Variants in RBFOX1 observed in about 807,000 individuals in gnomAD.
RBFOX1 encodes RNA binding protein fox-1 homolog 1.
RBFOX1 carries 8 observed loss-of-function variants against 57.7 expected under a neutral mutation model. The ratio of observed to expected loss-of-function variants is 0.14; its 90% confidence interval spans 0.08 to 0.25. The LOEUF is 0.25. Ranked by LOEUF, RBFOX1 falls within the 10% of genes least tolerant of loss-of-function variation. The probability of loss-of-function intolerance (pLI) is 1.00; values close to 1 mark genes in which losing one functional copy is unlikely to be tolerated. For synonymous variants in RBFOX1, 326 were observed against 222.4 expected (o/e 1.47, Z -4.15); for missense variants, 611 against 548.5 (o/e 1.11, Z -1.14).
chr16:5,639,666 C>G lies in RBFOX1; in HGVS notation c.318+40705C>G, dbSNP rs543140178. Among the ~76,000 whole-genome samples, 6 of 152,296 alleles carry G rather than the reference C, an allele frequency of 3.9e-5. No individual in the cohort carries two copies. In the East Asian group the frequency reaches 7.7e-4, roughly 20 times the overall value. ...AGTGCTGCTGTCTCTCTCTTTCAGC[C>G]TTGCCTCACCCATGCACATGCCTAC... On this transcript the variant is annotated intron_variant, in intron 3 of 19. Transcript: ENST00000641259.
intron 3 of RBFOX1, among the ~76,000 whole-genome samples, chr16:5,840,533 A>G (rs1375507413): frequency 1.3e-5 from 2 of 152,268 alleles, no homozygotes; most frequent in African/African-American, 4.8e-5. Context: ...CAGCTCCCCC[A>G]CTGCCATCAT....
intron 4 of RBFOX1, among the ~76,000 whole-genome samples, chr16:7,478,287 C>T (rs965174131): frequency 1.3e-5 from 2 of 152,140 alleles, no homozygotes; most frequent in African/African-American, 2.4e-5. Context: ...ACAAAGAGGG[C>T]AGAGAGTCAC....
intron 4 of RBFOX1, among the ~76,000 whole-genome samples, chr16:7,424,508 C>T (rs1358626010): frequency 1.3e-5 from 2 of 152,186 alleles, no homozygotes; most frequent in African/African-American, 4.8e-5. Context: ...GATCCACCCA[C>T]CTCGGCTTCC....
chr16:7,047,683 C>G (rs1373901393), intron 3 of RBFOX1, among the ~76,000 whole-genome samples: 1 of 92,542 alleles, frequency 1.1e-5, no homozygotes. Context: ...AAATATTGTA[C>G]GTTTTGATAT....
chr16:6,337,090 C>G (rs186716299), intron 2 of RBFOX1, among the ~76,000 whole-genome samples: 2 of 152,084 alleles, frequency 1.3e-5, no homozygotes, highest in Non-Finnish European at 2.9e-5. Context: ...TTATATTACT[C>G]GACAGTTTAT....
intron 4 of RBFOX1, among the ~76,000 whole-genome samples, chr16:5,993,679 A>C (rs949432349): frequency 2.0e-5 from 3 of 152,152 alleles, no homozygotes; most frequent in African/African-American, 7.2e-5. Flanking sequence ...ATTTAGCTGC[A>C]GTGAGTTGTG....
intron 2 of RBFOX1, among the ~76,000 whole-genome samples, chr16:6,455,383 G>T (rs2534761): frequency 1.3e-5 from 2 of 151,824 alleles, no homozygotes; most frequent in Non-Finnish European, 2.9e-5. Context: ...CCTGCTCTGC[G>T]GTCGTGGGAA....
At chr16:6,151,339 G>A (rs2096796287) in intron 1 of RBFOX1, among the ~76,000 whole-genome samples, 1 of 152,106 alleles carries the variant, frequency 6.6e-6, no homozygotes, top group Non-Finnish European at 1.5e-5. Flanking sequence ...AGGCTGGAGT[G>A]CAGTGGCACG....
intron 14 of RBFOX1, among the ~76,000 whole-genome samples, chr16:7,702,482 G>A (rs141822643): frequency 1.5e-4 from 23 of 152,292 alleles, no homozygotes; most frequent in East Asian, 3.9e-4. Context: ...ATTTAGTGAC[G>A]AGTATGGGAT....
rs186480205 is a variant in RBFOX1, at chr16:6,654,790, C to G, written c.-16+140C>G. 10 of 574,016 alleles carry G rather than the reference C, an allele frequency of 1.7e-5. No homozygotes were observed. The East Asian group carries it at 3.0e-4, about 17-fold the overall frequency. The allele number at this position is 574,016 out of a possible 1,614,324, so 35.6% of individuals were successfully genotyped here. A position where few individuals can be genotyped will look rare whatever the true frequency, so the allele number is the denominator to read the frequency against. On this transcript the variant is annotated intron_variant, in intron 3 of 15. Coordinates refer to ENST00000550418, the MANE Select transcript of RBFOX1 (RefSeq NM_018723.4). ...TATGACATATTTAAAGACAATCAGACTTAAAAATGCTTGTCATTTTACTCC... is the reference window on the plus strand; with the variant it reads ...TATGACATATTTAAAGACAATCAGAGTTAAAAATGCTTGTCATTTTACTCC...
At chr16:5,325,999 A>G (rs1447381681) in intron 1 of RBFOX1, among the ~76,000 whole-genome samples, 1 of 152,208 alleles carries the variant, frequency 6.6e-6, no homozygotes, top group Non-Finnish European at 1.5e-5. Context: ...GTGTCTTTAA[A>G]CAGCTTGGCA....
At chr16:5,701,658 T>A (rs553528280) in intron 3 of RBFOX1, among the ~76,000 whole-genome samples, 2 of 152,158 alleles carry the variant, frequency 1.3e-5, no homozygotes, top group Admixed American at 1.3e-4. Flanking sequence ...GGTCTCAAAC[T>A]TCTGGCCTAA....
intron 3 of RBFOX1, among the ~76,000 whole-genome samples, chr16:6,807,067 C>T (rs1242129022): frequency 6.6e-6 from 1 of 151,692 alleles, no homozygotes; most frequent in Non-Finnish European, 1.5e-5. Context: ...CTCCTGACCT[C>T]AAGTAGTATG....
chr16:6,887,689 G>T (rs189618784), intron 3 of RBFOX1, among the ~76,000 whole-genome samples: 1 of 149,604 alleles, frequency 6.7e-6, no homozygotes, highest in African/African-American at 2.5e-5. Flanking sequence ...TTGAGGCAGA[G>T]TCTCACTCTG....
chr16:6,296,756 C>G (rs1050145450), intron 1 of RBFOX1, among the ~76,000 whole-genome samples: 1 of 152,112 alleles, frequency 6.6e-6, no homozygotes, highest in East Asian at 1.9e-4. Context: ...TGGCATGGCA[C>G]TGTTAGTGAT....
Position 6,650,192 on chromosome 16 carries a change from G to C in RBFOX1, c.-63-4411G>C, listed in dbSNP as rs1000749099. Among the ~76,000 whole-genome samples, 7 of 152,188 alleles carry C rather than the reference G, an allele frequency of 4.6e-5. No homozygotes were observed. The South Asian group carries it at 1.5e-3, about 32-fold the overall frequency. ...AGAATATGCCTTTTTAACAGCAGCT[G>C]ATGCTGCTGGTTGGAGAGTCTCACT... is the stretch of plus-strand genomic sequence containing the variant. On this transcript the variant is annotated intron_variant, in intron 2 of 15. Transcript: ENST00000550418.
intron 4 of RBFOX1, among the ~76,000 whole-genome samples, chr16:7,206,870 G>T (rs1029872683): frequency 4.6e-5 from 7 of 152,064 alleles, no homozygotes; most frequent in Non-Finnish European, 1.0e-4. Flanking sequence ...AAAATGGAGA[G>T]GCTGGAGAAA....
chr16:6,160,667 A>G (rs2096871469), intron 1 of RBFOX1, among the ~76,000 whole-genome samples: 2 of 152,268 alleles, frequency 1.3e-5, no homozygotes, highest in Admixed American at 1.3e-4. Context: ...ACAAAGCTGG[A>G]GGTCCTCATC....
Position 6,439,845 on chromosome 16 carries a change from G to T in RBFOX1, c.-64+122788G>T. On this transcript the variant is annotated intron_variant, in intron 2 of 15. Coordinates refer to ENST00000550418, the MANE Select transcript of RBFOX1 (RefSeq NM_018723.4). ...GGTGAGCATCCGACCCAGGGATGCA[G>T]CTCAGATGGGATGCAGAAAGCTGGG... Among the ~76,000 whole-genome samples, 2 of 152,136 alleles carry T rather than the reference G, an allele frequency of 1.3e-5. 1 individual carries two copies. Among genetic ancestry groups the T allele is most frequent in the Non-Finnish European group, 2.9e-5 (2 of 68,028 alleles).
Sources: gnomAD v4.1 joint callset for allele counts (sites outside exome capture counted in the v4.1 genomes callset) on GRCh38, gnomAD v4.1.1 for gene constraint, MANE v1.5 for transcripts, NCBI Gene and HGNC (gene_info 2026-07-23, HGNC 2026-07-21) for gene names.